Variants in LRRC37A2 observed in about 807,000 individuals in gnomAD.
LRRC37A2 encodes leucine rich repeat containing 37 member A2, also known as leucine-rich repeat-containing protein 37A2.
LRRC37A2 carries 9 observed loss-of-function variants against 68.8 expected under a neutral mutation model. That is an observed-to-expected ratio of 0.13 (90% CI 0.08 to 0.23). LRRC37A2 has a LOEUF of 0.23. Ranked by LOEUF, LRRC37A2 falls within the 10% of genes least tolerant of loss-of-function variation. The pLI is 1.00. For synonymous variants in LRRC37A2, 63 were observed against 367.6 expected, an observed-to-expected ratio of 0.17 and a Z score of 9.48; for missense variants, 168 against 950.4, an observed-to-expected ratio of 0.18 and a Z score of 10.82.
the LRRC37A2 span, among the ~76,000 whole-genome samples, chr17:46,908,459 G>A: frequency 6.6e-6 from 1 of 152,146 alleles, no homozygotes; most frequent in Non-Finnish European, 1.5e-5. Flanking sequence ...CCTGGCCTCC[G>A]AGAACCGGCA....
the LRRC37A2 span, chr17:46,833,379 G>T: frequency 2.5e-5 from 13 of 518,534 alleles, no homozygotes; most frequent in African/African-American, 2.5e-4. Context: ...TGATCCTCTG[G>T]CATGCCAAGG....
the LRRC37A2 span, among the ~76,000 whole-genome samples, chr17:46,812,168 C>A: frequency 6.7e-6 from 1 of 150,032 alleles, no homozygotes; most frequent in Non-Finnish European, 1.5e-5. Context: ...GCTATTCCTG[C>A]AATCCTGGCC....
chr17:46,942,307 G>A, the LRRC37A2 span, among the ~76,000 whole-genome samples: 1 of 152,206 alleles, frequency 6.6e-6, no homozygotes, highest in African/African-American at 2.4e-5. Flanking sequence ...AGGCCTCACG[G>A]AGGTCAGACA....
At chr17:46,767,298 G>A in the LRRC37A2 span, among the ~76,000 whole-genome samples, 1 of 152,068 alleles carries the variant, frequency 6.6e-6, no homozygotes, top group Non-Finnish European at 1.5e-5. Context: ...AATCCCTCCT[G>A]CTCCCCGTCA....
the LRRC37A2 span, among the ~76,000 whole-genome samples, chr17:46,732,187 A>T: frequency 1.3e-5 from 2 of 152,234 alleles, no homozygotes; most frequent in African/African-American, 2.4e-5. Flanking sequence ...TATACACTAC[A>T]GTAATCATAT....
At chr17:46,749,384 G>T in the LRRC37A2 span, among the ~76,000 whole-genome samples, 1 of 152,176 alleles carries the variant, frequency 6.6e-6, no homozygotes, top group Non-Finnish European at 1.5e-5. Context: ...CTAAAGCCTT[G>T]TAAAGCCAGC....
At chr17:46,728,923 G>A in the LRRC37A2 span, 2 of 1,602,538 alleles carry the variant, frequency 1.2e-6, no homozygotes, top group African/African-American at 1.3e-5. Context: ...ACTGAAAAAG[G>A]CACCTCCTCA....
chr17:46,949,290 C>T, the LRRC37A2 span: 1 of 152,364 alleles, frequency 6.6e-6, no homozygotes, highest in Non-Finnish European at 1.5e-5. Context: ...GGAACACCTG[C>T]ACACGGCTTC....
At chr17:46,695,138 C>T in the LRRC37A2 span, among the ~76,000 whole-genome samples, 3 of 78,306 alleles carry the variant, frequency 3.8e-5, no homozygotes, top group African/African-American at 6.5e-5. Flanking sequence ...CCCGGCTACT[C>T]GGGAGGCTGA....
the LRRC37A2 span, among the ~76,000 whole-genome samples, chr17:46,894,780 A>G: frequency 6.6e-6 from 1 of 151,258 alleles, no homozygotes; most frequent in African/African-American, 2.4e-5. Flanking sequence ...CCATCAACCC[A>G]CCCGCTCTGA....
chr17:46,773,779 C>T, the LRRC37A2 span: 45 of 1,613,342 alleles, frequency 2.8e-5, no homozygotes, highest in Non-Finnish European at 3.7e-5. Flanking sequence ...TTCACGCCCT[C>T]GGCCACGCTG....
the LRRC37A2 span, among the ~76,000 whole-genome samples, chr17:46,621,387 C>T: frequency 7.7e-6 from 1 of 130,540 alleles, no homozygotes; most frequent in Non-Finnish European, 1.6e-5. Context: ...CCCGGGCTCA[C>T]GCCTTTCTCC....
chr17:46,850,006 C>G, the LRRC37A2 span, among the ~76,000 whole-genome samples: 58 of 152,308 alleles, frequency 3.8e-4, no homozygotes, highest in African/African-American at 1.2e-3. Context: ...CACTGCCACA[C>G]CCGGCTAATG....
the LRRC37A2 span, among the ~76,000 whole-genome samples, chr17:46,802,989 C>T: frequency 6.6e-6 from 1 of 152,190 alleles, no homozygotes; most frequent in African/African-American, 2.4e-5. Context: ...CAGCCTGGGG[C>T]TTGGGATTGC....
chr17:46,598,520 C>G, the LRRC37A2 span, among the ~76,000 whole-genome samples: 2 of 152,216 alleles, frequency 1.3e-5, no homozygotes, highest in African/African-American at 2.4e-5. Flanking sequence ...TAAACCTAGT[C>G]GAGGTCATCT....
chr17:46,933,764 A>G, the LRRC37A2 span: 1 of 151,824 alleles, frequency 6.6e-6, no homozygotes, highest in African/African-American at 2.4e-5. Context: ...TCAGGAGTTC[A>G]CCATCCTGGG....
chr17:46,978,759 G>T, the LRRC37A2 span: 2 of 1,612,660 alleles, frequency 1.2e-6, no homozygotes, highest in Non-Finnish European at 1.7e-6. Flanking sequence ...GGAAGAAGAC[G>T]CCGAAGACCA....
At chr17:46,680,446 C>T in the LRRC37A2 span, among the ~76,000 whole-genome samples, 1 of 151,582 alleles carries the variant, frequency 6.6e-6, no homozygotes, top group African/African-American at 2.4e-5. Flanking sequence ...TCACAGCATA[C>T]AAAATTGCAA....
At chr17:47,043,166 T>G in the LRRC37A2 span, among the ~76,000 whole-genome samples, 1 of 151,690 alleles carries the variant, frequency 6.6e-6, no homozygotes, top group Admixed American at 6.6e-5. Flanking sequence ...TCTTCCTGTT[T>G]CTTTTATTTT....
Sources: allele counts gnomAD v4.1 joint callset (sites outside exome capture counted in the v4.1 genomes callset), GRCh38; gene constraint gnomAD v4.1.1; transcripts MANE v1.5; gene names NCBI Gene and HGNC (gene_info 2026-07-23, HGNC 2026-07-21).